The following ABCD3 variants were observed in gnomAD, a reference collection of about 807,000 sequenced individuals.
ABCD3 encodes the protein ATP-binding cassette sub-family D member 3.
In ABCD3, 41 loss-of-function variants were observed where a neutral mutation model predicts 105.5. That is an observed-to-expected ratio of 0.39 (90% CI 0.30 to 0.50). The LOEUF is 0.50. ABCD3 is among the 20% of genes least tolerant of loss of function. The probability of loss-of-function intolerance (pLI) is 0.84; values close to 1 mark genes in which losing one functional copy is unlikely to be tolerated. For synonymous variants in ABCD3, 258 were observed against 269.0 expected, an observed-to-expected ratio of 0.96 and a Z score of 0.40; for missense variants, 622 against 806.3, an observed-to-expected ratio of 0.77 and a Z score of 2.77.
Position 94,489,212 on chromosome 1 carries a change from G to T in ABCD3, c.1158-513G>T, listed in dbSNP as rs548096446. Among the ~76,000 whole-genome samples, 5 of 152,078 alleles carry T rather than the reference G, an allele frequency of 3.3e-5. No individual in the cohort carries two copies. The South Asian group carries it at 6.2e-4, about 19-fold the overall frequency. On this transcript the variant is annotated intron_variant, in intron 13 of 22. Coordinates refer to ENST00000370214, the MANE Select transcript of ABCD3 (RefSeq NM_002858.4). ...CACAGTGATTTCTATCTAATAATAA[G>T]AACTCATCATCTTTCCCCTCTTCAG...
At chr1:94,451,742 T>A (rs1647268478) in intron 1 of ABCD3, among the ~76,000 whole-genome samples, 1 of 152,246 alleles carries the variant, frequency 6.6e-6, no homozygotes, top group South Asian at 2.1e-4. Flanking sequence ...AATGCTTGTT[T>A]TACTGTTATT....
At chr1:94,422,472 T>G (rs1220891077) in intron 1 of ABCD3, among the ~76,000 whole-genome samples, 1 of 152,224 alleles carries the variant, frequency 6.6e-6, no homozygotes, top group Non-Finnish European at 1.5e-5. Context: ...TCCGCAAAAC[T>G]GGTCCCTGGT....
At chr1:94,406,340 GTTTTTT>G in the ABCD3 span, 1 of 141,438 alleles carries the variant, frequency 7.1e-6, no homozygotes. Flanking sequence ...ATTTTGTTTT[GTTTTTT>G]TTTTTTTTTT....
At position 94,510,047 on chromosome 1, in the gene ABCD3, T is replaced by G. The variant is rs1056911338; in HGVS notation, c.1845+3405T>G. 2.0e-3 allele frequency among the ~76,000 whole-genome samples: 308 copies of G among 152,120 alleles called. 1 individual carries two copies. The highest frequency in any genetic ancestry group is 3.5e-3 in the Non-Finnish European group (236 of 67,956). On this transcript the variant is annotated intron_variant, in intron 21 of 22. Transcript: ENST00000370214. ...CTTCTGCTAGCTTTTGAATGTGTTT[T>G]CTCTTGCTTTTCTAGTTCTTTTAAT...
chr1:94,394,261 T>TA, the ABCD3 span, among the ~76,000 whole-genome samples: 1 of 152,188 alleles, frequency 6.6e-6, no homozygotes, highest in Non-Finnish European at 1.5e-5. Context: ...ACCAGTATGA[T>TA]AATCTGTGAG....
chr1:94,389,036 A>G, the ABCD3 span, among the ~76,000 whole-genome samples: 1 of 152,184 alleles, frequency 6.6e-6, no homozygotes. Flanking sequence ...ACTATCTTAC[A>G]TTTCCATTTG....
chr1:94,472,067 A>G (rs995451932), intron 4 of ABCD3: 1 of 237,026 alleles, frequency 4.2e-6, no homozygotes, highest in Non-Finnish European at 6.9e-6. Flanking sequence ...TACAAGCAGA[A>G]TTTAAAAATT....
intron 16 of ABCD3, among the ~76,000 whole-genome samples, chr1:94,498,101 T>A (rs992881169): frequency 1.2e-4 from 19 of 152,190 alleles, no homozygotes; most frequent in African/African-American, 4.6e-4. Flanking sequence ...TGTATATAGA[T>A]GGGGTCTTGT....
chr1:94,394,214 A>G, the ABCD3 span, among the ~76,000 whole-genome samples: 49 of 152,330 alleles, frequency 3.2e-4, no homozygotes, highest in Admixed American at 5.2e-4. Flanking sequence ...CTTACTGCTC[A>G]CCAGGCACAA....
intron 19 of ABCD3, 81 bp from the exon 20 acceptor site, chr1:94,499,413 AT>A: frequency 7.2e-7 from 1 of 1,382,110 alleles, no homozygotes; most frequent in Non-Finnish European, 1.0e-6. Context: ...AATTATAGTG[AT>A]TCCAGTTTAA....
At chr1:94,506,102 A>G (rs1353578543) in intron 20 of ABCD3, among the ~76,000 whole-genome samples, 1 of 152,216 alleles carries the variant, frequency 6.6e-6, no homozygotes, top group Non-Finnish European at 1.5e-5. Context: ...AGGTACAATA[A>G]AAATTATTGG....
At chr1:94,388,611 G>A in the ABCD3 span, among the ~76,000 whole-genome samples, 16 of 152,236 alleles carry the variant, frequency 1.1e-4, no homozygotes, top group East Asian at 2.3e-3. Flanking sequence ...TTCTGTGGCC[G>A]AGGTGATAAA....
intron 21 of ABCD3, among the ~76,000 whole-genome samples, chr1:94,509,576 C>A (rs1231397218): frequency 2.0e-5 from 3 of 152,114 alleles, no homozygotes; most frequent in Non-Finnish European, 2.9e-5. Flanking sequence ...CCAGTTCCTC[C>A]TTGTACCTCT....
chr1:94,424,654 C>A (rs1388177956), intron 1 of ABCD3, among the ~76,000 whole-genome samples: 1 of 152,072 alleles, frequency 6.6e-6, no homozygotes, highest in Non-Finnish European at 1.5e-5. Context: ...TAGGCTCAAG[C>A]GATTCTCCCA....
intron 3 of ABCD3, among the ~76,000 whole-genome samples, chr1:94,465,536 C>G (rs1648095224): frequency 1.3e-5 from 2 of 152,036 alleles, no homozygotes. Context: ...TACAGCTACC[C>G]TAAATGGTGT....
intron 1 of ABCD3, among the ~76,000 whole-genome samples, chr1:94,428,448 A>G (rs1212244735): frequency 6.6e-6 from 1 of 152,266 alleles, no homozygotes; most frequent in East Asian, 1.9e-4. Flanking sequence ...TGTTATGTTT[A>G]TAATGTATCA....
Position 94,448,557 on chromosome 1 carries a change from AATTGAGGT to A in ABCD3, c.111-10044_111-10037del, listed in dbSNP as rs1359210731. 2.1e-4 allele frequency among the ~76,000 whole-genome samples: 32 copies of A among 152,342 alleles called. No homozygotes were observed. The East Asian group carries it at 5.8e-3, about 28-fold the overall frequency. On this transcript the variant is annotated intron_variant, in intron 1 of 22. Transcript: ENST00000370214. ...CAAAAAGCGGAGCTTTTGTAGCTGTAATTGAGGTATTGACTGCTTTTAATATGCCTATT... is the reference window on the plus strand; with the variant it reads ...CAAAAAGCGGAGCTTTTGTAGCTGTAATTGACTGCTTTTAATATGCCTATT...
At chr1:94,385,770 A>G in the ABCD3 span, among the ~76,000 whole-genome samples, 1 of 152,206 alleles carries the variant, frequency 6.6e-6, no homozygotes, top group Non-Finnish European at 1.5e-5. Context: ...ACCCAACTTT[A>G]AGAGATGTTT....
In ABCD3 at chr1:94,506,706, A is replaced by G. The variant is rs1316720090; in HGVS notation, c.1845+64A>G. ...CCTACCTAGTGTAAACTATGTCCAA[A>G]TCTGTCCAAAGAGAAGATTCCAGGT... is the stretch of plus-strand genomic sequence containing the variant. On this transcript the variant is annotated intron_variant, in intron 21 of 22. Transcript: ENST00000370214. 3 of 1,206,362 alleles carry G rather than the reference A, an allele frequency of 2.5e-6. No homozygotes were observed. The East Asian group carries it at 7.1e-5, about 28-fold the overall frequency. 74.7% of individuals were successfully genotyped at this position (1,206,362 alleles called of 1,614,324 possible). A position where few individuals can be genotyped will look rare whatever the true frequency, so the allele number is the denominator to read the frequency against.
Sources: gnomAD v4.1 joint callset for allele counts (sites outside exome capture counted in the v4.1 genomes callset) on GRCh38, gnomAD v4.1.1 for gene constraint, MANE v1.5 for transcripts, NCBI Gene and HGNC (gene_info 2026-07-23, HGNC 2026-07-21) for gene names.